The following ACSL3 variants were observed in gnomAD, a reference collection of about 807,000 sequenced individuals.
The protein encoded by ACSL3 is fatty acid CoA ligase Acsl3.
In ACSL3, 34 loss-of-function variants were observed where a neutral mutation model predicts 84.7. The ratio of observed to expected loss-of-function variants is 0.40; its 90% CI spans 0.31 to 0.53. The LOEUF is 0.53. Among genes scored for constraint, ACSL3 ranks in the 20% least tolerant of loss-of-function variants. The pLI is 0.48. For synonymous variants in ACSL3, 315 were observed against 299.4 expected, an observed-to-expected ratio of 1.05 and a Z score of -0.54; for missense variants, 680 against 873.1, an observed-to-expected ratio of 0.78 and a Z score of 2.79.
At chr2:222,906,155 T>C (rs1574543641) in intron 3 of ACSL3, among the ~76,000 whole-genome samples, 1 of 152,338 alleles carries the variant, frequency 6.6e-6, no homozygotes, top group East Asian at 1.9e-4. Context: ...TTTCCTTATT[T>C]GTTAACTGAC....
chr2:222,941,725 T>C lies in ACSL3; in HGVS notation c.*71T>C. The C allele has an allele frequency of 6.8e-7, 1 of 1,481,206 alleles. No individual in the cohort carries two copies. The highest frequency in any genetic ancestry group is 1.4e-5 in the South Asian group (1 of 73,948). 91.8% of individuals were successfully genotyped at this position (1,481,206 alleles called of 1,614,324 possible). On this transcript the variant is annotated 3_prime_UTR_variant, in exon 17 of 17. Coordinates refer to ENST00000357430, the MANE Select transcript of ACSL3 (RefSeq NM_004457.5). ...TAGGAAAATACTTGAAATGCATGTC[T>C]CAAGCTGCAAGGCAAACTCCATTCC...
rs1473859680 is a variant in ACSL3, at chr2:222,922,798, T to C, written c.1047T>C (p.Ile349=). 3 of 1,614,216 alleles carry C rather than the reference T, an allele frequency of 1.9e-6. No individual in the cohort carries two copies. The highest frequency in any genetic ancestry group is 2.5e-6 in the Non-Finnish European group (3 of 1,180,012). ...TCTGTCTTTCTCACGGATGCCGCATTGGTTACTCTTCACCACAGACTTTAG... is the reference window on the plus strand; with the variant it reads ...TCTGTCTTTCTCACGGATGCCGCATCGGTTACTCTTCACCACAGACTTTAG... The part of the protein sequence containing the change: ...ELVCLSHGCR[I]GYSSPQTLAD... The change falls in exon 9 of 17, where the codon ATT becomes ATC. Residue 349 remains isoleucine (I), a synonymous_variant. Transcript: ENST00000357430.
intron 1 of ACSL3, among the ~76,000 whole-genome samples, chr2:222,862,726 T>G (rs1454460012): frequency 6.6e-6 from 1 of 152,120 alleles, no homozygotes; most frequent in Non-Finnish European, 1.5e-5. Context: ...ATTGGTTTTG[T>G]AGGATGACAT....
rs1015065381 is a variant in ACSL3, at chr2:222,887,848, A to C, written c.-188A>C. On this transcript the variant is annotated 5_prime_UTR_variant, in exon 2 of 17. Coordinates refer to ENST00000357430, the MANE Select transcript of ACSL3 (RefSeq NM_004457.5). ...TTGACAGGTTTTGACACAAGGGCGC[A>C]TATCTTCAAAGCACCTAGTACCTCC... is the stretch of plus-strand genomic sequence containing the variant. 1 of 152,190 alleles carries C rather than the reference A, an allele frequency of 6.6e-6. No individual in the cohort carries two copies. Among genetic ancestry groups the C allele is most frequent in the African/African-American group, 2.4e-5 (1 of 41,436 alleles). The allele number at this position is 152,190 out of a possible 1,614,324, so 9.4% of individuals were successfully genotyped here.
At chr2:222,874,645 A>G in intron 1 of ACSL3, among the ~76,000 whole-genome samples, 1 of 152,072 alleles carries the variant, frequency 6.6e-6, no homozygotes, top group South Asian at 2.1e-4. Flanking sequence ...ACTGCACTCC[A>G]ACATGTGACA....
intron 2 of ACSL3, among the ~76,000 whole-genome samples, chr2:222,894,701 T>C (rs185710183): frequency 2.8e-4 from 43 of 151,616 alleles, no homozygotes; most frequent in African/African-American, 1.0e-3. Flanking sequence ...CCTATATCTT[T>C]TTCTGTAGTC....
chr2:222,942,034 A>C lies in ACSL3; in HGVS notation c.*380A>C, dbSNP rs1210511587. 8.9e-6 allele frequency: 2 copies of C among 225,316 alleles called. No individual in the cohort carries two copies. Among genetic ancestry groups the C allele is most frequent in the African/African-American group, 4.4e-5 (2 of 44,958 alleles). 14.0% of individuals were successfully genotyped at this position (225,316 alleles called of 1,614,324 possible). A position where few individuals can be genotyped will look rare whatever the true frequency, so the allele number is the denominator to read the frequency against. On this transcript the variant is annotated 3_prime_UTR_variant, in exon 17 of 17. Coordinates refer to ENST00000357430, the MANE Select transcript of ACSL3 (RefSeq NM_004457.5). The stretch of plus-strand genomic sequence containing the variant: ...ATGTATAGAGGGATAAATAGGAAAT[A>C]TAAGAATTGGTTATTTGGGGGCTTT...
intron 2 of ACSL3, among the ~76,000 whole-genome samples, chr2:222,891,891 A>C (rs923745001): frequency 6.6e-6 from 1 of 152,214 alleles, no homozygotes; most frequent in Non-Finnish European, 1.5e-5. Context: ...TTTCCTCATA[A>C]AACTTCCTAG....
At chr2:222,870,371 G>C (rs1397895992) in intron 1 of ACSL3, among the ~76,000 whole-genome samples, 1 of 152,184 alleles carries the variant, frequency 6.6e-6, no homozygotes, top group Non-Finnish European at 1.5e-5. Flanking sequence ...CAATAAGCAA[G>C]ATTCTCATGG....
In ACSL3 at chr2:222,916,453, G is replaced by A. The variant is rs374313242; in HGVS notation, c.513G>A (p.Glu171=). 11 of 1,613,946 alleles carry A rather than the reference G, an allele frequency of 6.8e-6. No individual in the cohort carries two copies. The highest frequency in any genetic ancestry group is 9.3e-6 in the Non-Finnish European group (11 of 1,179,906). The change falls in exon 5 of 17, where the codon GAG becomes GAA. Residue 171 remains glutamate (E), a synonymous_variant. Transcript: ENST00000357430. ...CCATCTTCTGTGAGACCAGGGCCGA[G>A]TGGATGATAGCTGCACAGGCGTGTT... ...NIAIFCETRA[E]WMIAAQACFM...
intron 1 of ACSL3, among the ~76,000 whole-genome samples, chr2:222,881,223 C>G (rs13031097): frequency 0.17 from 25,648 of 152,130 alleles, 2,462 homozygotes; most frequent in African/African-American, 0.24. Context: ...TTTTTTACTA[C>G]TAGGTCTTTG....
intron 4 of ACSL3, among the ~76,000 whole-genome samples, chr2:222,910,959 T>A (rs1175790982): frequency 1.3e-5 from 2 of 152,236 alleles, no homozygotes; most frequent in Non-Finnish European, 2.9e-5. Context: ...TGTTTGATTT[T>A]TCTTTTCCAG....
chr2:222,928,665 A>AAAAAC lies in ACSL3; in HGVS notation c.1466-194_1466-193insACAAA, dbSNP rs1320841235. On this transcript the variant is annotated intron_variant, in intron 12 of 16. Coordinates refer to ENST00000357430, the MANE Select transcript of ACSL3 (RefSeq NM_004457.5). Reference sequence around the variant, plus strand: ...CAATAACTAATTTAAAAAAAAAAAAAAAACCTCAATGTAGGCCAAAAAATA... The same window carrying AAAAAC: ...CAATAACTAATTTAAAAAAAAAAAAAAAAACAAACCTCAATGTAGGCCAAAAAATA... Among the ~76,000 whole-genome samples, 14 of 152,162 alleles carry AAAAAC rather than the reference A, an allele frequency of 9.2e-5. No homozygotes were observed. In the South Asian group the frequency reaches 2.7e-3, roughly 29 times the overall value.
chr2:222,930,536 TAAGATG>T (rs1351690247), intron 13 of ACSL3, 79 bp from the exon 14 acceptor site: 32 of 1,161,218 alleles, frequency 2.8e-5, no homozygotes, highest in Non-Finnish European at 3.5e-5. Context: ...TGGATTAAAA[TAAGATG>T]ACTGTTTAGA....
At chr2:222,883,210 T>C (rs1695635479) in intron 1 of ACSL3, among the ~76,000 whole-genome samples, 1 of 151,708 alleles carries the variant, frequency 6.6e-6, no homozygotes, top group Non-Finnish European at 1.5e-5. Flanking sequence ...GACAAAGTTT[T>C]GCTCTTGTTG....
chr2:222,894,953 T>G (rs2254743), intron 2 of ACSL3, among the ~76,000 whole-genome samples: 137,972 of 151,896 alleles, frequency 0.91, 62,752 homozygotes, highest in East Asian at 0.98. Context: ...GTGTGTGTCT[T>G]TCCAAGTTTT....
intron 1 of ACSL3, among the ~76,000 whole-genome samples, chr2:222,864,220 G>A (rs1266012137): frequency 6.6e-6 from 1 of 152,178 alleles, no homozygotes; most frequent in African/African-American, 2.4e-5. Context: ...TATGGGAAGG[G>A]CATGACTTTA....
At chr2:222,905,851 T>C (rs1315439035) in intron 3 of ACSL3, among the ~76,000 whole-genome samples, 2 of 151,698 alleles carry the variant, frequency 1.3e-5, no homozygotes, top group Non-Finnish European at 2.9e-5. Context: ...ATTTTAAGCA[T>C]GATTTCCTTT....
At chr2:222,912,591 T>C (rs1696474350) in intron 4 of ACSL3, among the ~76,000 whole-genome samples, 1 of 152,242 alleles carries the variant, frequency 6.6e-6, no homozygotes, top group Non-Finnish European at 1.5e-5. Flanking sequence ...CAGAATGTTG[T>C]ATCTGATATG....
Sources: allele counts gnomAD v4.1 joint callset (sites outside exome capture counted in the v4.1 genomes callset), GRCh38; gene constraint gnomAD v4.1.1; transcripts MANE v1.5; gene names NCBI Gene and HGNC (gene_info 2026-07-23, HGNC 2026-07-21).